The following RAB38 variants were observed in gnomAD, a reference collection of about 807,000 sequenced individuals.
The protein encoded by RAB38 is ras-related protein Rab-38.
RAB38 carries 15 observed loss-of-function variants against 18.4 expected under a neutral mutation model. The ratio of observed to expected loss-of-function variants is 0.82; its 90% CI spans 0.55 to 1.26. The LOEUF (loss-of-function observed/expected upper bound fraction) is 1.26. Among genes scored for constraint, RAB38 ranks in the 50% most tolerant of loss-of-function variants. RAB38 has a pLI of 0.00. For missense variants in RAB38, 294 were observed against 267.4 expected, an observed-to-expected ratio of 1.10 and a Z score of -0.69; for synonymous variants, 101 against 104.4, an observed-to-expected ratio of 0.97 and a Z score of 0.20.
the RAB38 span, among the ~76,000 whole-genome samples, chr11:87,813,499 T>TCA: frequency 0.06 from 8,817 of 146,880 alleles, 608 homozygotes; most frequent in African/African-American, 0.18. Flanking sequence ...ATCATACACA[T>TCA]CACACACACA....
chr11:88,017,024 C>G, the RAB38 span, among the ~76,000 whole-genome samples: 1 of 151,938 alleles, frequency 6.6e-6, no homozygotes, highest in East Asian at 1.9e-4. Context: ...GAAGGTGCCC[C>G]TAGGGTTTCT....
At chr11:88,123,392 C>T (rs1383494541) in intron 2 of RAB38, among the ~76,000 whole-genome samples, 1 of 152,196 alleles carries the variant, frequency 6.6e-6, no homozygotes, top group African/African-American at 2.4e-5. Context: ...ACCAGTTCAG[C>T]TTTCACTGAA....
the RAB38 span, among the ~76,000 whole-genome samples, chr11:88,087,801 G>T: frequency 2.0e-5 from 3 of 151,804 alleles, no homozygotes; most frequent in African/African-American, 4.8e-5. Context: ...GAGTACCTAG[G>T]GATTGCTTTC....
chr11:87,937,422 T>C, the RAB38 span, among the ~76,000 whole-genome samples: 1 of 149,544 alleles, frequency 6.7e-6, no homozygotes, highest in African/African-American at 2.5e-5. Context: ...TTTTGTACTG[T>C]CTGGTTGGTT....
intron 1 of RAB38, chr11:88,166,424 A>G (rs1279021832): frequency 6.6e-6 from 1 of 152,114 alleles, no homozygotes; most frequent in Non-Finnish European, 1.5e-5. Flanking sequence ...TTCCTTGGTA[A>G]TAAGCCAGGT....
the RAB38 span, among the ~76,000 whole-genome samples, chr11:87,804,045 G>A: frequency 6.6e-6 from 1 of 152,156 alleles, no homozygotes; most frequent in African/African-American, 2.4e-5. Context: ...TGCAACTTGG[G>A]TGACCAAAAC....
At chr11:88,022,015 T>C in the RAB38 span, among the ~76,000 whole-genome samples, 3 of 151,906 alleles carry the variant, frequency 2.0e-5, no homozygotes, top group Non-Finnish European at 2.9e-5. Context: ...CAGTATTAAA[T>C]GGATATCAAA....
chr11:87,841,890 G>T, the RAB38 span, among the ~76,000 whole-genome samples: 29 of 152,318 alleles, frequency 1.9e-4, 1 homozygote, highest in South Asian at 6.0e-3. Context: ...GACATTTGGA[G>T]AATATGAACA....
the RAB38 span, among the ~76,000 whole-genome samples, chr11:88,103,851 C>A: frequency 3.1e-4 from 47 of 152,078 alleles, no homozygotes; most frequent in Non-Finnish European, 6.2e-4. Flanking sequence ...GATTCTCTTA[C>A]CAGAGTCAGT....
chr11:88,139,705 T>C (rs979334001), intron 2 of RAB38, among the ~76,000 whole-genome samples: 3 of 152,166 alleles, frequency 2.0e-5, no homozygotes, highest in Non-Finnish European at 4.4e-5. Flanking sequence ...AAACATATAT[T>C]CTAAGCCCCT....
At chr11:88,135,555 G>A (rs1942825983) in intron 2 of RAB38, among the ~76,000 whole-genome samples, 1 of 152,180 alleles carries the variant, frequency 6.6e-6, no homozygotes, top group Non-Finnish European at 1.5e-5. Flanking sequence ...CACTTTGGGG[G>A]TTAAATATGG....
chr11:88,005,182 C>T, the RAB38 span, among the ~76,000 whole-genome samples: 1 of 151,224 alleles, frequency 6.6e-6, no homozygotes, highest in Non-Finnish European at 1.5e-5. Flanking sequence ...AATAACAAAA[C>T]GTTCTTGGAA....
the RAB38 span, among the ~76,000 whole-genome samples, chr11:88,033,516 C>G: frequency 2.0e-5 from 3 of 152,030 alleles, no homozygotes; most frequent in Non-Finnish European, 4.4e-5. Context: ...TTGATTTGCA[C>G]TTGTAAAAAG....
At chr11:88,053,806 T>TC in the RAB38 span, among the ~76,000 whole-genome samples, 22 of 151,444 alleles carry the variant, frequency 1.5e-4, no homozygotes, top group Non-Finnish European at 2.8e-4. Flanking sequence ...TTTTTTTTTT[T>TC]ATTTTTTCCT....
chr11:88,156,130 T>C (rs1024321829), intron 1 of RAB38, among the ~76,000 whole-genome samples: 1 of 152,168 alleles, frequency 6.6e-6, no homozygotes, highest in East Asian at 1.9e-4. Flanking sequence ...AAAATTTCCC[T>C]AACCTTGCTA....
At chr11:88,031,621 T>C in the RAB38 span, among the ~76,000 whole-genome samples, 6,050 of 151,112 alleles carry the variant, frequency 0.04, 345 homozygotes, top group East Asian at 0.3. Flanking sequence ...AGTGAACTCC[T>C]ATTCACAATT....
the RAB38 span, among the ~76,000 whole-genome samples, chr11:87,917,521 AC>A: frequency 2.1e-5 from 3 of 144,964 alleles, no homozygotes; most frequent in Non-Finnish European, 4.5e-5. Context: ...CACTTGTCTC[AC>A]TGAAGTGTTT....
the RAB38 span, among the ~76,000 whole-genome samples, chr11:88,086,850 G>A: frequency 7.8e-3 from 1,180 of 151,968 alleles, 10 homozygotes; most frequent in African/African-American, 0.027. Flanking sequence ...TTCTGGAGCA[G>A]ATGTAAAATG....
At chr11:87,965,584 G>A in the RAB38 span, among the ~76,000 whole-genome samples, 2 of 152,122 alleles carry the variant, frequency 1.3e-5, no homozygotes, top group African/African-American at 4.8e-5. Context: ...TGTGGGGTAT[G>A]GAGGGGTGAA....
Sources: gnomAD v4.1 joint callset for allele counts (sites outside exome capture counted in the v4.1 genomes callset) on GRCh38, gnomAD v4.1.1 for gene constraint, MANE v1.5 for transcripts, NCBI Gene and HGNC (gene_info 2026-07-23, HGNC 2026-07-21) for gene names.